Variants in LRRC3B observed in about 807,000 individuals in gnomAD.
The protein encoded by LRRC3B is leucine rich repeat containing 3B.
In LRRC3B, 2 loss-of-function variants were observed where a neutral mutation model predicts 12.8. The observed-to-expected ratio is 0.16, with a 90% CI of 0.06 to 0.49. The LOEUF (loss-of-function observed/expected upper bound fraction) is 0.49, where lower values mean the gene tolerates loss of function less well. Ranked by LOEUF, LRRC3B falls within the 20% of genes least tolerant of loss-of-function variation. The probability of loss-of-function intolerance (pLI) is 0.96; values close to 1 mark genes in which losing one functional copy is unlikely to be tolerated. For synonymous variants in LRRC3B, 132 were observed against 122.0 expected (o/e 1.08, Z -0.54); for missense variants, 189 against 319.4 (o/e 0.59, Z 3.11).
intron 1 of LRRC3B, among the ~76,000 whole-genome samples, chr3:26,628,007 C>T (rs79431333): frequency 0.039 from 5,982 of 152,172 alleles, 260 homozygotes; most frequent in East Asian, 0.14. Context: ...TTCCAATTCC[C>T]AGTTTATTCA....
chr3:26,677,287 T>A (rs1457034264), intron 1 of LRRC3B, among the ~76,000 whole-genome samples: 1 of 152,186 alleles, frequency 6.6e-6, no homozygotes, highest in East Asian at 1.9e-4. Flanking sequence ...GGGTTGATAC[T>A]GAAAATAAAC....
At position 26,709,575 on chromosome 3, in the gene LRRC3B, C is replaced by T. The variant is rs561208916; in HGVS notation, c.-98C>T. On this transcript the variant is annotated 5_prime_UTR_variant, in exon 2 of 2. In the 5' UTR this introduces an upstream ATG that the reference lacks. Coordinates refer to ENST00000396641, the Ensembl canonical transcript of LRRC3B. Reference sequence around the variant, plus strand: ...GTGTTAGCTGCAGCCTTTTGAAACACGCAAGAAGGAAATCAATAGTGTGGA... The same window carrying T: ...GTGTTAGCTGCAGCCTTTTGAAACATGCAAGAAGGAAATCAATAGTGTGGA... 3.4e-5 allele frequency: 42 copies of T among 1,218,030 alleles called. No individual in the cohort carries two copies. The highest frequency in any genetic ancestry group is 2.4e-4 in the Admixed American group (11 of 45,876). The allele number at this position is 1,218,030 out of a possible 1,614,324, so 75.5% of individuals were successfully genotyped here. A position where few individuals can be genotyped will look rare whatever the true frequency, so the allele number is the denominator to read the frequency against.
chr3:26,704,565 T>G (rs1348517314), intron 1 of LRRC3B, among the ~76,000 whole-genome samples: 1 of 152,136 alleles, frequency 6.6e-6, no homozygotes, highest in East Asian at 1.9e-4. Flanking sequence ...TTTTTTCTTC[T>G]TTTTATTTTT....
intron 1 of LRRC3B, among the ~76,000 whole-genome samples, chr3:26,674,339 A>T (rs1699814079): frequency 6.6e-6 from 1 of 152,208 alleles, no homozygotes; most frequent in African/African-American, 2.4e-5. Context: ...GAATGTAAAA[A>T]CATTAACATG....
chr3:26,697,420 C>G (rs1160245422), intron 1 of LRRC3B, among the ~76,000 whole-genome samples: 5 of 151,956 alleles, frequency 3.3e-5, no homozygotes, highest in Non-Finnish European at 7.4e-5. Context: ...CCTCTGTATC[C>G]TTCTTATAAG....
At chr3:26,654,789 G>A (rs1322975363) in intron 1 of LRRC3B, among the ~76,000 whole-genome samples, 3 of 152,156 alleles carry the variant, frequency 2.0e-5, no homozygotes, top group Admixed American at 1.3e-4. Context: ...ATAATCACTG[G>A]AGAAAGAATA....
chr3:26,648,612 A>G (rs1037209995), intron 1 of LRRC3B, among the ~76,000 whole-genome samples: 2 of 152,152 alleles, frequency 1.3e-5, no homozygotes, highest in African/African-American at 4.8e-5. Context: ...TCCCCTCCCT[A>G]GAGAACCAGA....
At chr3:26,691,105 G>GTATATA (rs1553605090) in intron 1 of LRRC3B, among the ~76,000 whole-genome samples, 2,105 of 84,764 alleles carry the variant, frequency 0.025, 55 homozygotes, top group Middle Eastern at 0.03. Context: ...GTGTGTGTGT[G>GTATATA]TATATATATA....
chr3:26,710,447 G>A, exon 2 of LRRC3B: 1 of 1,587,084 alleles, frequency 6.3e-7, no homozygotes, highest in South Asian at 1.1e-5. Flanking sequence ...TAGCACTGTG[G>A]TATAGTGTCC....
chr3:26,709,700 C>T (rs370610399), exon 2 of LRRC3B: 4 of 1,613,900 alleles, frequency 2.5e-6, no homozygotes, highest in Middle Eastern at 1.6e-4. Context: ...GTGGTTAACC[C>T]GTTCCCTCTC....
At chr3:26,666,504 C>T (rs1559359934) in intron 1 of LRRC3B, among the ~76,000 whole-genome samples, 1 of 152,052 alleles carries the variant, frequency 6.6e-6, no homozygotes, top group African/African-American at 2.4e-5. Context: ...CCTATTATCT[C>T]AACCAATCCT....
intron 1 of LRRC3B, among the ~76,000 whole-genome samples, chr3:26,664,784 A>G (rs144878813): frequency 1.5e-3 from 233 of 152,208 alleles, no homozygotes; most frequent in Middle Eastern, 3.4e-3. Context: ...TCTCGCATCT[A>G]TCAGCATTGG....
chr3:26,633,817 A>G (rs1290891950), intron 1 of LRRC3B, among the ~76,000 whole-genome samples: 1 of 152,214 alleles, frequency 6.6e-6, no homozygotes, highest in Non-Finnish European at 1.5e-5. Flanking sequence ...AAGATCTTCC[A>G]GGGAGTGAGC....
exon 2 of LRRC3B, chr3:26,709,818 C>A (rs1260322046): frequency 3.1e-6 from 5 of 1,614,008 alleles, no homozygotes; most frequent in Non-Finnish European, 3.4e-6. Context: ...TTAAATGTCA[C>A]CTGTAGCAAT....
intron 1 of LRRC3B, among the ~76,000 whole-genome samples, chr3:26,665,866 ATCTG>A (rs1176657761): frequency 1.3e-5 from 2 of 152,150 alleles, no homozygotes; most frequent in African/African-American, 2.4e-5. Flanking sequence ...GTCCTGGAAA[ATCTG>A]TCTAACTGGG....
At chr3:26,629,150 G>A (rs1199111995) in intron 1 of LRRC3B, among the ~76,000 whole-genome samples, 1 of 152,104 alleles carries the variant, frequency 6.6e-6, no homozygotes, top group Non-Finnish European at 1.5e-5. Flanking sequence ...ATACAGATTA[G>A]TTTCCTTTTA....
At chr3:26,701,085 ATTATT>A (rs1257685387) in intron 1 of LRRC3B, 5 of 152,320 alleles carry the variant, frequency 3.3e-5, no homozygotes, top group South Asian at 2.1e-4. Flanking sequence ...TTGTCCTAAT[ATTATT>A]TTAAGTCACA....
chr3:26,708,661 T>G (rs1700668141), intron 1 of LRRC3B, among the ~76,000 whole-genome samples: 1 of 152,246 alleles, frequency 6.6e-6, no homozygotes, highest in African/African-American at 2.4e-5. Flanking sequence ...TGTTCATCAC[T>G]TAATTTTGCA....
chr3:26,635,885 G>A (rs1698858280), intron 1 of LRRC3B, among the ~76,000 whole-genome samples: 1 of 152,200 alleles, frequency 6.6e-6, no homozygotes, highest in Non-Finnish European at 1.5e-5. Context: ...TAAACATTTA[G>A]TGAACAATTT....
Sources: allele counts gnomAD v4.1 joint callset (sites outside exome capture counted in the v4.1 genomes callset), GRCh38; gene constraint gnomAD v4.1.1; transcripts MANE v1.5; gene names NCBI Gene and HGNC (gene_info 2026-07-23, HGNC 2026-07-21).